The following GGNBP2 variants were observed in gnomAD, a reference collection of about 807,000 sequenced individuals.
GGNBP2 encodes the protein gametogenetin-binding protein 2.
A neutral mutation model predicts 85.9 loss-of-function variants in GGNBP2; 10 were observed. The observed-to-expected ratio is 0.12, with a 90% CI of 0.07 to 0.20. The LOEUF (loss-of-function observed/expected upper bound fraction) is 0.20. Ranked by LOEUF, GGNBP2 falls within the 10% of genes least tolerant of loss-of-function variation. The probability of loss-of-function intolerance (pLI) is 1.00; values close to 1 mark genes in which losing one functional copy is unlikely to be tolerated. For synonymous variants in GGNBP2, 287 were observed against 285.7 expected (o/e 1.00, Z -0.05); for missense variants, 595 against 857.8 (o/e 0.69, Z 3.83).
In GGNBP2 at chr17:36,548,475, C is replaced by T. The variant is rs1305685365; in HGVS notation, c.93+2658C>T. 2.6e-5 allele frequency among the ~76,000 whole-genome samples: 4 copies of T among 151,294 alleles called. No homozygotes were observed. In the East Asian group the frequency reaches 7.8e-4, roughly 30 times the overall value. ...ACTAAAAATACAAAAATTAGCCAGA[C>T]ATAGTGGTGGGTGCCTGTAATCCCA... On this transcript the variant is annotated intron_variant, in intron 2 of 13. Transcript: ENST00000613102.
intron 6 of GGNBP2, among the ~76,000 whole-genome samples, chr17:36,568,548 C>T (rs113601776): frequency 0.026 from 4,009 of 152,224 alleles, 160 homozygotes; most frequent in African/African-American, 0.09. Context: ...CCATCTGCCT[C>T]GACCTCCCAA....
intron 6 of GGNBP2, among the ~76,000 whole-genome samples, chr17:36,569,273 A>G (rs1053510904): frequency 6.6e-6 from 1 of 152,258 alleles, no homozygotes; most frequent in Non-Finnish European, 1.5e-5. Context: ...TTAGCCAGGC[A>G]TGGTGGCACG....
intron 2 of GGNBP2, chr17:36,546,022 C>G (rs560718744): frequency 1.3e-4 from 66 of 527,516 alleles, no homozygotes; most frequent in African/African-American, 9.6e-4. Context: ...GAGCTCCGTA[C>G]GCACTCCCTC....
intron 2 of GGNBP2, chr17:36,546,951 G>A (rs1307467884): frequency 6.6e-6 from 1 of 152,064 alleles, no homozygotes; most frequent in Non-Finnish European, 1.5e-5. Context: ...AGACTTGATT[G>A]AGCTGCAGTA....
intron 6 of GGNBP2, among the ~76,000 whole-genome samples, chr17:36,570,108 T>G (rs1555606528): frequency 6.6e-6 from 1 of 152,220 alleles, no homozygotes; most frequent in East Asian, 1.9e-4. Flanking sequence ...CTGGGCATGG[T>G]GGCTCACAAC....
chr17:36,553,484 G>T (rs887727826), intron 2 of GGNBP2, among the ~76,000 whole-genome samples: 1 of 152,126 alleles, frequency 6.6e-6, no homozygotes, highest in Non-Finnish European at 1.5e-5. Flanking sequence ...GAAAGGAATG[G>T]TTACATCTAT....
chr17:36,554,613 G>A (rs1371711157), intron 2 of GGNBP2, among the ~76,000 whole-genome samples: 4 of 151,478 alleles, frequency 2.6e-5, no homozygotes, highest in Admixed American at 6.6e-5. Flanking sequence ...GTGATCCGCC[G>A]CCCCCCACCC....
At chr17:36,546,577 T>TCTGC (rs2074257710) in intron 2 of GGNBP2, 1 of 152,214 alleles carries the variant, frequency 6.6e-6, no homozygotes, top group African/African-American at 2.4e-5. Flanking sequence ...TTATCGACCC[T>TCTGC]CTGCCCTATG....
intron 6 of GGNBP2, among the ~76,000 whole-genome samples, chr17:36,575,936 C>T (rs1451854779): frequency 6.6e-6 from 1 of 150,924 alleles, no homozygotes; most frequent in Non-Finnish European, 1.5e-5. Flanking sequence ...CGTGAGCCAC[C>T]GCGCCCAGCC....
chr17:36,572,043 T>A (rs2074530615), intron 6 of GGNBP2, among the ~76,000 whole-genome samples: 1 of 151,320 alleles, frequency 6.6e-6, no homozygotes, highest in Admixed American at 6.6e-5. Context: ...AGAGTGAGAC[T>A]CTGTCTCGAA....
intron 5 of GGNBP2, among the ~76,000 whole-genome samples, chr17:36,562,139 T>TA (rs1255881477): frequency 6.6e-6 from 1 of 152,094 alleles, no homozygotes; most frequent in Non-Finnish European, 1.5e-5. Flanking sequence ...AATGGGATAT[T>TA]AAAAAACTAT....
At chr17:36,546,251 T>C (rs1185556807) in intron 2 of GGNBP2, 4 of 309,358 alleles carry the variant, frequency 1.3e-5, no homozygotes, top group Non-Finnish European at 2.4e-5. Context: ...TACTGGTAGC[T>C]CTCACCACAT....
chr17:36,553,168 G>A (rs899817894), intron 2 of GGNBP2, among the ~76,000 whole-genome samples: 16 of 152,062 alleles, frequency 1.1e-4, no homozygotes, highest in Admixed American at 8.5e-4. Context: ...GGGAAATATA[G>A]GAACACATAC....
intron 6 of GGNBP2, chr17:36,576,552 T>TTAAAA (rs2074584634): frequency 5.5e-5 from 1 of 18,090 alleles, no homozygotes; most frequent in East Asian, 1.9e-3. Flanking sequence ...AGACTCTGTC[T>TTAAAA]CAAAAAAAAA....
intron 9 of GGNBP2, among the ~76,000 whole-genome samples, chr17:36,583,561 C>T (rs377227370): frequency 1.3e-5 from 2 of 152,088 alleles, no homozygotes; most frequent in East Asian, 3.9e-4. Context: ...TGGGTTCAAG[C>T]GATTTTTGTG....
Position 36,587,090 on chromosome 17 carries a change from G to A in GGNBP2, c.1735G>A (p.Asp579Asn). The change falls in exon 13 of 14, where the codon GAT (aspartate) becomes AAT (asparagine). Residue 579 changes from aspartate (D) to asparagine (N), a missense_variant. Around this residue, in one of 9 missense-constraint regions of GGNBP2, gnomAD observed 120 missense variants for 126.3 expected, o/e 0.95. Coordinates refer to ENST00000613102, the MANE Select transcript of GGNBP2 (RefSeq NM_024835.5). Reference sequence around the variant, plus strand: ...AGTGTTTCACCGTGACAAGACCAAAGATACACATCCTGAAAGCTGTTGCAG... The same window carrying A: ...AGTGTTTCACCGTGACAAGACCAAAAATACACATCCTGAAAGCTGTTGCAG... ...HTVFHRDKTK[D>N]THPESCCSSE... The A allele has an allele frequency of 6.2e-7, 1 of 1,614,110 alleles. No homozygotes were observed. The highest frequency in any genetic ancestry group is 8.5e-7 in the Non-Finnish European group (1 of 1,180,018).
intron 1 of GGNBP2, 89 bp from the exon 2 acceptor site, chr17:36,545,530 C>T: frequency 1.9e-6 from 1 of 521,962 alleles, no homozygotes; most frequent in Non-Finnish European, 3.4e-6. Context: ...CCCGGCTCTC[C>T]CGTACCCTCC....
intron 6 of GGNBP2, among the ~76,000 whole-genome samples, chr17:36,570,841 T>G (rs1243943360): frequency 6.6e-6 from 1 of 151,766 alleles, no homozygotes; most frequent in Non-Finnish European, 1.5e-5. Flanking sequence ...GCCAACATGG[T>G]GAAACCCCTC....
Position 36,578,225 on chromosome 17 carries a change from CT to C in GGNBP2, c.845+42del, listed in dbSNP as rs758635301. The C allele has an allele frequency of 3.4e-6, 5 of 1,454,226 alleles. No homozygotes were observed. In the African/African-American group the frequency reaches 7.1e-5, roughly 21 times the overall value. 90.1% of individuals were successfully genotyped at this position (1,454,226 alleles called of 1,614,324 possible). A position where few individuals can be genotyped will look rare whatever the true frequency, so the allele number is the denominator to read the frequency against. ...ATTTGCTAGAATGGGCTATCTAGCG[CT>C]TTGCTTCATTTTATTACTGAAAGTT... On this transcript the variant is annotated intron_variant, in intron 7 of 13. Coordinates refer to ENST00000613102, the MANE Select transcript of GGNBP2 (RefSeq NM_024835.5).
Sources: allele counts gnomAD v4.1 joint callset (sites outside exome capture counted in the v4.1 genomes callset), GRCh38; gene constraint gnomAD v4.1.1; regional missense constraint gnomAD v4.1.1; transcripts MANE v1.5; gene names NCBI Gene and HGNC (gene_info 2026-07-23, HGNC 2026-07-21).